CNTNAP4: variants seen among roughly 807,000 people sequenced by gnomAD.
CNTNAP4 encodes contactin associated protein family member 4, also known as contactin-associated protein-like 4.
In CNTNAP4, 98 loss-of-function variants were observed where a neutral mutation model predicts 148.4. The observed-to-expected ratio is 0.66, with a 90% CI of 0.56 to 0.78. The LOEUF is 0.78. Ranked by LOEUF, CNTNAP4 falls within the 30% of genes least tolerant of loss-of-function variation. The pLI is 0.00. For missense variants in CNTNAP4, 1,935 were observed against 1,565.6 expected (o/e 1.24, Z -3.98); for synonymous variants, 730 against 565.1 (o/e 1.29, Z -4.14).
intron 9 of CNTNAP4, among the ~76,000 whole-genome samples, chr16:76,463,058 A>G (rs541890272): frequency 2.2e-4 from 33 of 152,346 alleles, no homozygotes; most frequent in African/African-American, 7.0e-4. Flanking sequence ...TACATAATCC[A>G]TTACTGTGAA....
chr16:76,366,993 A>T (rs997846616), intron 3 of CNTNAP4, among the ~76,000 whole-genome samples: 1 of 152,014 alleles, frequency 6.6e-6, no homozygotes, highest in African/African-American at 2.4e-5. Flanking sequence ...AGAAATAACT[A>T]AGTTAATTAG....
intron 3 of CNTNAP4, among the ~76,000 whole-genome samples, chr16:76,401,890 G>C (rs2078430549): frequency 6.6e-6 from 1 of 152,168 alleles, no homozygotes; most frequent in South Asian, 2.1e-4. Flanking sequence ...CAGAGATGAA[G>C]CCTACTTGAT....
chr16:76,317,725 G>A (rs1025267984), intron 2 of CNTNAP4, among the ~76,000 whole-genome samples: 4 of 151,932 alleles, frequency 2.6e-5, no homozygotes, highest in Middle Eastern at 3.2e-3. Flanking sequence ...GTGTGTGTGT[G>A]TATGTGTGTG....
chr16:76,439,176 A>C (rs997157361), intron 4 of CNTNAP4, among the ~76,000 whole-genome samples: 1 of 152,158 alleles, frequency 6.6e-6, no homozygotes, highest in Non-Finnish European at 1.5e-5. Flanking sequence ...TTGACACAGC[A>C]TTCAATAACT....
chr16:76,546,620 T>C (rs1396304750), intron 21 of CNTNAP4, among the ~76,000 whole-genome samples: 1 of 152,210 alleles, frequency 6.6e-6, no homozygotes, highest in Non-Finnish European at 1.5e-5. Flanking sequence ...TTTCATTATG[T>C]ATTACAATGC....
intron 2 of CNTNAP4, among the ~76,000 whole-genome samples, chr16:76,318,295 T>G (rs1962022362): frequency 6.6e-6 from 1 of 152,250 alleles, no homozygotes; most frequent in Non-Finnish European, 1.5e-5. Context: ...CTATTTATCT[T>G]GATTTCCTTT....
chr16:76,470,168 A>G (rs1283629921), intron 10 of CNTNAP4, among the ~76,000 whole-genome samples: 1 of 152,148 alleles, frequency 6.6e-6, no homozygotes, highest in African/African-American at 2.4e-5. Flanking sequence ...ATGGCTAAGA[A>G]AAGGCAGAGC....
At chr16:76,282,883 C>T (rs983160477) in intron 1 of CNTNAP4, among the ~76,000 whole-genome samples, 1 of 150,782 alleles carries the variant, frequency 6.6e-6, no homozygotes, top group Non-Finnish European at 1.5e-5. Context: ...AGTTTTTTTT[C>T]AAAACAAATG....
chr16:76,510,849 A>G (rs934982691), intron 15 of CNTNAP4, among the ~76,000 whole-genome samples: 5 of 152,032 alleles, frequency 3.3e-5, no homozygotes, highest in Non-Finnish European at 5.9e-5. Context: ...GAATCTATGG[A>G]CAGATTTCCT....
At chr16:76,527,270 C>A (rs1035311027) in intron 17 of CNTNAP4, among the ~76,000 whole-genome samples, 6 of 152,152 alleles carry the variant, frequency 3.9e-5, no homozygotes, top group Non-Finnish European at 5.9e-5. Flanking sequence ...ACCCTTCTCC[C>A]ATTCCCTCGC....
chr16:76,409,820 C>T (rs922845150), intron 3 of CNTNAP4, among the ~76,000 whole-genome samples: 1 of 151,844 alleles, frequency 6.6e-6, no homozygotes, highest in African/African-American at 2.4e-5. Context: ...ATGTTAAACT[C>T]AAGTAATGAG....
chr16:76,307,539 T>TATAC (rs558814796), intron 1 of CNTNAP4, among the ~76,000 whole-genome samples: 2,505 of 119,224 alleles, frequency 0.021, 218 homozygotes, highest in African/African-American at 0.04. Flanking sequence ...TATATATATA[T>TATAC]ACCAAACTCC....
chr16:76,422,219 T>C (rs1221182642), intron 3 of CNTNAP4, among the ~76,000 whole-genome samples: 1 of 152,140 alleles, frequency 6.6e-6, no homozygotes, highest in Admixed American at 6.6e-5. Flanking sequence ...CAATGAAGGC[T>C]TTTTGGTTTT....
At chr16:76,439,072 A>G (rs1248613430) in intron 4 of CNTNAP4, among the ~76,000 whole-genome samples, 1 of 152,188 alleles carries the variant, frequency 6.6e-6, no homozygotes, top group Non-Finnish European at 1.5e-5. Flanking sequence ...ATGTCTGTAC[A>G]CACAGGAGGA....
In CNTNAP4 at chr16:76,558,743, A is replaced by G; in HGVS notation, c.*60A>G. ...TTTGTTTTAATAGCCAGGGGTTCTCAATGGAAAAACGAATGCTCTTACACT... is the reference window on the plus strand; with the variant it reads ...TTTGTTTTAATAGCCAGGGGTTCTCGATGGAAAAACGAATGCTCTTACACT... On this transcript the variant is annotated 3_prime_UTR_variant, in exon 24 of 24. Transcript: ENST00000611870. 2 of 1,299,090 alleles carry G rather than the reference A, an allele frequency of 1.5e-6. No individual in the cohort carries two copies. Among genetic ancestry groups the G allele is most frequent in the Non-Finnish European group, 2.1e-6 (2 of 937,932 alleles). 80.5% of individuals were successfully genotyped at this position (1,299,090 alleles called of 1,614,324 possible). A position where few individuals can be genotyped will look rare whatever the true frequency, so the allele number is the denominator to read the frequency against.
At position 76,522,132 on chromosome 16, in the gene CNTNAP4, A is replaced by AC; in HGVS notation, c.2632dup (p.His878ProfsTer5). On this transcript the variant is annotated frameshift_variant, in exon 17 of 24. Transcript: ENST00000611870. LOFTEE classifies it high-confidence loss of function. ...ACCCACTTCAACGACAACCAGTGGC[A>AC]CCATGTGAGGGTTGAAAGGAACATG... 6.2e-7 allele frequency: 1 copy of AC among 1,614,006 alleles called. No homozygotes were observed. The highest frequency in any genetic ancestry group is 8.5e-7 in the Non-Finnish European group (1 of 1,179,910).
At chr16:76,316,643 AT>A in intron 2 of CNTNAP4, 120 bp downstream of exon 2, 1 of 694,506 alleles carries the variant, frequency 1.4e-6, no homozygotes, top group South Asian at 1.8e-5. Flanking sequence ...AAATAAGCAA[AT>A]GGTTAAAACT....
At chr16:76,329,085 C>T (rs907552293) in intron 2 of CNTNAP4, among the ~76,000 whole-genome samples, 3 of 151,922 alleles carry the variant, frequency 2.0e-5, no homozygotes, top group African/African-American at 2.4e-5. Flanking sequence ...TTTGTTAGTA[C>T]GAAATGCAAA....
chr16:76,297,855 C>T (rs187413785), intron 1 of CNTNAP4, among the ~76,000 whole-genome samples: 6 of 152,226 alleles, frequency 3.9e-5, no homozygotes, highest in Non-Finnish European at 1.5e-5. Context: ...TTTCATTTTT[C>T]ATAAAAGAAG....
Sources: gnomAD v4.1 joint callset for allele counts (sites outside exome capture counted in the v4.1 genomes callset) on GRCh38, gnomAD v4.1.1 for gene constraint, MANE v1.5 for transcripts, NCBI Gene and HGNC (gene_info 2026-07-23, HGNC 2026-07-21) for gene names.